The following MAP3K9 variants were observed in gnomAD, a reference collection of about 807,000 sequenced individuals.
The protein encoded by MAP3K9 is mitogen-activated protein kinase kinase kinase 9, also known as mixed lineage kinase 1 (tyr and ser/thr specificity).
A neutral mutation model predicts 95.8 loss-of-function variants in MAP3K9; 46 were observed. The observed-to-expected ratio is 0.48, with a 90% confidence interval of 0.38 to 0.61. MAP3K9 has a LOEUF of 0.61. MAP3K9 is among the 20% of genes least tolerant of loss of function. The pLI, the probability that MAP3K9 is intolerant of heterozygous loss-of-function variation, is 0.00. For missense variants in MAP3K9, 1,296 were observed against 1,474.3 expected, an observed-to-expected ratio of 0.88 and a Z score of 1.98; for synonymous variants, 533 against 593.8, an observed-to-expected ratio of 0.90 and a Z score of 1.49.
At chr14:70,732,393 T>G in intron 11 of MAP3K9, 146 bp downstream of exon 11, 5 of 1,278,982 alleles carry the variant, frequency 3.9e-6, no homozygotes, top group Non-Finnish European at 5.1e-6. Context: ...GCCTCCCTGA[T>G]CCCAGATCTG....
intron 2 of MAP3K9, among the ~76,000 whole-genome samples, chr14:70,793,019 C>T (rs755458007): frequency 3.9e-5 from 6 of 152,226 alleles, no homozygotes; most frequent in African/African-American, 1.4e-4. Context: ...CCAGTTCCAA[C>T]AGGAGCAGCC....
Position 70,749,921 on chromosome 14 carries a change from G to A in MAP3K9, c.1150+12C>T, listed in dbSNP as rs2054201137. 1 of 1,614,162 alleles carries A rather than the reference G, an allele frequency of 6.2e-7. No individual in the cohort carries two copies. Among genetic ancestry groups the A allele is most frequent in the Non-Finnish European group, 8.5e-7 (1 of 1,180,014 alleles). ...AGTGTCTCCAGTTTGGTTCAGGCCA[G>A]GGCTTACTTACCTTCCATGAGTTTG... On this transcript the variant is annotated intron_variant, in intron 4 of 11. Transcript: ENST00000554752.
In MAP3K9 at chr14:70,730,438, G is replaced by A. The variant is rs776047235; in HGVS notation, c.3257C>T (p.Ala1086Val). Residue 1086 changes from alanine to valine, a missense_variant, in exon 12 of 12, where the codon GCG becomes GTG. By Grantham distance (64) the Ala-to-Val change is moderately conservative. Around this residue, in one of 5 missense-constraint regions of MAP3K9, gnomAD observed 433 missense variants for 441.4 expected, o/e 0.98. Transcript: ENST00000554752. ...SQDSTVPLCR[A>V]ELNTHRPAPY... Reference sequence around the variant, plus strand: ...GGCAGGCCTGTGTGTGTTCAGTTCCGCTCTGCACAGCGGCACGGTGCTGTC... The same window carrying A: ...GGCAGGCCTGTGTGTGTTCAGTTCCACTCTGCACAGCGGCACGGTGCTGTC... 26 of 1,614,062 alleles carry A rather than the reference G, an allele frequency of 1.6e-5. No individual in the cohort carries two copies. The highest frequency in any genetic ancestry group is 4.5e-5 in the East Asian group (2 of 44,898).
chr14:70,802,987 A>T (rs1391090812), intron 1 of MAP3K9, among the ~76,000 whole-genome samples: 4 of 152,042 alleles, frequency 2.6e-5, no homozygotes, highest in East Asian at 1.9e-4. Flanking sequence ...CCGATCCCCC[A>T]TGAATGGCTT....
intron 3 of MAP3K9, 21 bp downstream of exon 3, chr14:70,760,981 C>T: frequency 6.2e-7 from 1 of 1,610,500 alleles, no homozygotes; most frequent in South Asian, 1.1e-5. Context: ...GAAATGCTGT[C>T]CCTGCCCCCC....
chr14:70,805,852 A>G (rs979241212), intron 1 of MAP3K9, among the ~76,000 whole-genome samples: 1 of 152,238 alleles, frequency 6.6e-6, no homozygotes, highest in Non-Finnish European at 1.5e-5. Flanking sequence ...TCTTGAGCCC[A>G]GGAGTTCAAG....
chr14:70,733,323 G>C lies in MAP3K9; in HGVS notation c.2046C>G (p.Gly682=). The C allele has an allele frequency of 7.0e-7, 1 of 1,430,728 alleles. No individual in the cohort carries two copies. The highest frequency in any genetic ancestry group is 9.7e-7 in the Non-Finnish European group (1 of 1,030,062). 88.6% of individuals were successfully genotyped at this position (1,430,728 alleles called of 1,614,324 possible). A position where few individuals can be genotyped will look rare whatever the true frequency, so the allele number is the denominator to read the frequency against. Residue 682 remains glycine, a synonymous_variant, in exon 11 of 12, where the codon GGC becomes GGG. Coordinates refer to ENST00000554752, the MANE Select transcript of MAP3K9 (RefSeq NM_001284230.2). ...GTAGGCGACTCTCTCCACTCCCTGG[G>C]CCTTCACTGTCCTCATCCTCTGTGA... The part of the protein sequence containing the change: ...LMEMEDEDSE[G]PGSGESRLQH...
At chr14:70,759,447 A>C (rs995406122) in intron 3 of MAP3K9, among the ~76,000 whole-genome samples, 11 of 152,194 alleles carry the variant, frequency 7.2e-5, no homozygotes, top group African/African-American at 2.7e-4. Context: ...ATCTCAAAAA[A>C]ATAAATAAAT....
intron 3 of MAP3K9, among the ~76,000 whole-genome samples, chr14:70,758,362 CATA>C (rs1283053926): frequency 2.0e-5 from 3 of 151,822 alleles, no homozygotes; most frequent in Admixed American, 6.6e-5. Context: ...CAAGGATAGA[CATA>C]ATAATAACTT....
At chr14:70,802,933 G>A (rs1234758623) in intron 1 of MAP3K9, among the ~76,000 whole-genome samples, 1 of 152,156 alleles carries the variant, frequency 6.6e-6, no homozygotes, top group African/African-American at 2.4e-5. Flanking sequence ...GTAAGCCCCA[G>A]TGCTGGCGGT....
chr14:70,734,490 G>C lies in MAP3K9; in HGVS notation c.1922C>G (p.Ser641Cys), dbSNP rs752941521. The C allele has an allele frequency of 4.8e-5, 76 of 1,595,882 alleles. No homozygotes were observed. Among genetic ancestry groups the C allele is most frequent in the Non-Finnish European group, 5.7e-5 (67 of 1,165,950 alleles). ...ESPHFHLGLK[S>C]LVDGYKQWSS... Reference sequence around the variant, plus strand: ...CCACTGCTTATATCCATCTACCAGGGACTTGAGGCTGAATCAGAGGAAAAG... The same window carrying C: ...CCACTGCTTATATCCATCTACCAGGCACTTGAGGCTGAATCAGAGGAAAAG... Residue 641 changes from serine (S) to cysteine (C), a missense_variant, in exon 10 of 12, where the codon TCC becomes TGC. Coordinates refer to ENST00000554752, the MANE Select transcript of MAP3K9 (RefSeq NM_001284230.2).
rs2053838209 is a variant in MAP3K9, at chr14:70,727,736, C to T, written c.*2644G>A. On this transcript the variant is annotated 3_prime_UTR_variant, in exon 12 of 12. Transcript: ENST00000554752. ...CCTTCTTCATGGATGCTCACAGTAG[C>T]ACCTTTGGATAGCCCTGCTTTTGCT... is the stretch of plus-strand genomic sequence containing the variant. The T allele has an allele frequency of 1.3e-5, 2 of 152,242 alleles. No individual in the cohort carries two copies. Among genetic ancestry groups the T allele is most frequent in the South Asian group, 4.1e-4 (2 of 4,828 alleles). The allele number at this position is 152,242 out of a possible 1,614,324, so 9.4% of individuals were successfully genotyped here. A position where few individuals can be genotyped will look rare whatever the true frequency, so the allele number is the denominator to read the frequency against.
At chr14:70,795,150 C>G (rs1311962225) in intron 2 of MAP3K9, among the ~76,000 whole-genome samples, 1 of 151,614 alleles carries the variant, frequency 6.6e-6, no homozygotes. Context: ...CATGCCACCA[C>G]GTTCGGCTAT....
At position 70,732,914 on chromosome 14, in the gene MAP3K9, CCTT is replaced by C. The variant is rs1396091972; in HGVS notation, c.2452_2454del (p.Lys818del). 17 of 1,613,848 alleles carry C rather than the reference CCTT, an allele frequency of 1.1e-5. No individual in the cohort carries two copies. The highest frequency in any genetic ancestry group is 1.4e-5 in the Non-Finnish European group (16 of 1,179,920). ...TCTCCTAGCAACAGCATGGGCTCCTCCTTCTTGAAAAGCTTTCGGGATGGGGGG... is the reference window on the plus strand; with the variant it reads ...TCTCCTAGCAACAGCATGGGCTCCTCCTTGAAAAGCTTTCGGGATGGGGGG... On this transcript the variant is annotated inframe_deletion, in exon 11 of 12. Coordinates refer to ENST00000554752, the MANE Select transcript of MAP3K9 (RefSeq NM_001284230.2).
At position 70,761,172 on chromosome 14, in the gene MAP3K9, G is replaced by C; in HGVS notation, c.831C>G (p.Leu277=). The C allele has an allele frequency of 1.2e-6, 2 of 1,613,012 alleles. No individual in the cohort carries two copies. Among genetic ancestry groups the C allele is most frequent in the Non-Finnish European group, 1.7e-6 (2 of 1,179,480 alleles). Residue 277 remains leucine, a synonymous_variant, in exon 3 of 12, where the codon CTC becomes CTG. Coordinates refer to ENST00000554752, the MANE Select transcript of MAP3K9 (RefSeq NM_001284230.2). Reference sequence around the variant, plus strand: ...TCAGGTCTCCATTCTCCACCTTCTGGAGGATCAATACTAGGCAAGGAAAAG... The same window carrying C: ...TCAGGTCTCCATTCTCCACCTTCTGCAGGATCAATACTAGGCAAGGAAAAG... ...RDLKSSNILI[L]QKVENGDLSN...
chr14:70,790,871 G>C (rs2054800024), intron 2 of MAP3K9, among the ~76,000 whole-genome samples: 2 of 152,160 alleles, frequency 1.3e-5, no homozygotes, highest in African/African-American at 2.4e-5. Flanking sequence ...AAGTGACCCT[G>C]AGCTACATCA....
In MAP3K9 at chr14:70,725,038, C is replaced by G. The variant is rs2053801610; in HGVS notation, c.*5342G>C. 6.6e-6 allele frequency: 1 copy of G among 152,372 alleles called. No individual in the cohort carries two copies. The highest frequency in any genetic ancestry group is 1.5e-5 in the Non-Finnish European group (1 of 68,204). The allele number at this position is 152,372 out of a possible 1,614,324, so 9.4% of individuals were successfully genotyped here. A position where few individuals can be genotyped will look rare whatever the true frequency, so the allele number is the denominator to read the frequency against. ...AGACCAGACAGGTAGGAAGATGGGT[C>G]AGGTGAAAGGCAGGTCTGTTTCCAA... On this transcript the variant is annotated 3_prime_UTR_variant, in exon 12 of 12. Transcript: ENST00000554752.
intron 5 of MAP3K9, among the ~76,000 whole-genome samples, 153 bp downstream of exon 5, chr14:70,748,676 A>G (rs1349635868): frequency 6.6e-6 from 1 of 152,224 alleles, no homozygotes; most frequent in South Asian, 2.1e-4. Flanking sequence ...GGTTTGGACA[A>G]TTAAGTAGAT....
chr14:70,741,336 C>T (rs12435875), intron 6 of MAP3K9, among the ~76,000 whole-genome samples: 21,484 of 152,068 alleles, frequency 0.14, 2,010 homozygotes, highest in East Asian at 0.3. Flanking sequence ...ATGATCCACC[C>T]GCCTCGGCCT....
Sources: gnomAD v4.1 joint callset for allele counts (sites outside exome capture counted in the v4.1 genomes callset) on GRCh38, gnomAD v4.1.1 for gene constraint, gnomAD v4.1.1 regional missense constraint, MANE v1.5 for transcripts, NCBI Gene and HGNC (gene_info 2026-07-23, HGNC 2026-07-21) for gene names.